The following FTO variants were observed in gnomAD, a reference collection of about 807,000 sequenced individuals.
FTO encodes the protein FTO alpha-ketoglutarate dependent dioxygenase.
In FTO, 47 loss-of-function variants were observed where a neutral mutation model predicts 63.9. The ratio of observed to expected loss-of-function variants is 0.74; its 90% CI spans 0.58 to 0.94. The LOEUF is 0.94. FTO is among the 40% of genes least tolerant of loss of function. FTO has a pLI of 0.00. For missense variants in FTO, 562 were observed against 618.1 expected (o/e 0.91, Z 0.96); for synonymous variants, 207 against 224.4 (o/e 0.92, Z 0.69).
chr16:54,089,224 G>A (rs1567564594), intron 8 of FTO, among the ~76,000 whole-genome samples: 1 of 152,186 alleles, frequency 6.6e-6, no homozygotes, highest in Non-Finnish European at 1.5e-5. Context: ...TCCAATCTGA[G>A]TGAGTTTAAT....
chr16:53,819,597 C>CT (rs535307412), intron 2 of FTO, among the ~76,000 whole-genome samples: 1,534 of 151,438 alleles, frequency 0.01, 21 homozygotes, highest in African/African-American at 0.034. Flanking sequence ...ATAGGTTGTA[C>CT]TTTTTTTTTC....
rs185192150 is a variant in FTO at position 54,103,663 on chromosome 16, G to A, written c.1365-8099G>A. Among the ~76,000 whole-genome samples, 33 of 152,308 alleles carry A rather than the reference G, an allele frequency of 2.2e-4. No individual in the cohort carries two copies. In the East Asian group the frequency reaches 6.0e-3, roughly 28 times the overall value. ...TGACTTGATAAAGCCACCTTTGTCC[G>A]AGTAGACCGTTATGATAGCTGTAAG... is the stretch of plus-strand genomic sequence containing the variant. On this transcript the variant is annotated intron_variant, in intron 8 of 8. Coordinates refer to ENST00000471389, the MANE Select transcript of FTO (RefSeq NM_001080432.3).
intron 8 of FTO, among the ~76,000 whole-genome samples, chr16:54,025,261 G>C (rs1049955258): frequency 2.0e-5 from 3 of 152,180 alleles, no homozygotes; most frequent in Admixed American, 2.0e-4. Context: ...GAGAAATGGA[G>C]GCTGGACAGC....
intron 8 of FTO, among the ~76,000 whole-genome samples, chr16:54,010,429 A>T (rs1216203040): frequency 6.6e-6 from 1 of 152,086 alleles, no homozygotes; most frequent in Non-Finnish European, 1.5e-5. Flanking sequence ...CCAAACAAAC[A>T]AACAAAAAAT....
chr16:54,088,150 A>G (rs1212822609), intron 8 of FTO, among the ~76,000 whole-genome samples: 1 of 152,192 alleles, frequency 6.6e-6, no homozygotes, highest in Non-Finnish European at 1.5e-5. Context: ...ATATTCTTCT[A>G]TGCATTTACA....
At position 54,086,928 on chromosome 16, in the gene FTO, C is replaced by T. The variant is rs143029954; in HGVS notation, c.1365-24834C>T. Among the ~76,000 whole-genome samples the T allele has an allele frequency of 2.0e-5, 3 of 152,286 alleles. No individual in the cohort carries two copies. The East Asian group carries it at 5.8e-4, about 29-fold the overall frequency. On this transcript the variant is annotated intron_variant, in intron 8 of 8. Coordinates refer to ENST00000471389, the MANE Select transcript of FTO (RefSeq NM_001080432.3). ...AAAGGAGTTCAGTGGGCTGCCGGCC[C>T]CCATAAGGAAAAAGCAAACTCAGCC...
chr16:53,850,361 G>A (rs911638497), intron 4 of FTO, among the ~76,000 whole-genome samples: 3 of 151,706 alleles, frequency 2.0e-5, no homozygotes, highest in Admixed American at 2.0e-4. Flanking sequence ...CAGGGATGAG[G>A]ATGTATCTCT....
chr16:53,917,320 C>G (rs2081894534), intron 7 of FTO, among the ~76,000 whole-genome samples: 1 of 152,210 alleles, frequency 6.6e-6, no homozygotes, highest in Admixed American at 6.5e-5. Flanking sequence ...AGAGTGAACT[C>G]TACTACCCAC....
intron 8 of FTO, among the ~76,000 whole-genome samples, chr16:54,104,543 C>T (rs893381246): frequency 3.9e-5 from 6 of 152,060 alleles, no homozygotes; most frequent in Admixed American, 2.0e-4. Context: ...GAACTCCTGA[C>T]CTCGTGATCT....
intron 8 of FTO, among the ~76,000 whole-genome samples, chr16:54,078,291 T>A (rs1449526258): frequency 6.7e-6 from 1 of 149,724 alleles, no homozygotes; most frequent in Non-Finnish European, 1.5e-5. Flanking sequence ...TACTAAAATG[T>A]GCTAATTTGA....
At chr16:53,743,182 A>G (rs1359167685) in intron 1 of FTO, among the ~76,000 whole-genome samples, 1 of 152,038 alleles carries the variant, frequency 6.6e-6, no homozygotes, top group Non-Finnish European at 1.5e-5. Context: ...AAAATATTAT[A>G]TTTCTACATT....
rs563201547 is a variant in FTO at position 53,936,188 on chromosome 16, A to T, written c.1364+2079A>T. Among the ~76,000 whole-genome samples the T allele has an allele frequency of 3.3e-5, 5 of 152,376 alleles. No individual in the cohort carries two copies. The South Asian group carries it at 8.3e-4, about 25-fold the overall frequency. On this transcript the variant is annotated intron_variant, in intron 8 of 8. Coordinates refer to ENST00000471389, the MANE Select transcript of FTO (RefSeq NM_001080432.3). ...AGTGTTGAAGTTGATGTAGTCTAGC[A>T]ACTGAAACAAAAATTCTCAAGTCCT...
At chr16:54,082,941 A>G (rs1210142995) in intron 8 of FTO, among the ~76,000 whole-genome samples, 1 of 152,210 alleles carries the variant, frequency 6.6e-6, no homozygotes, top group Admixed American at 6.5e-5. Flanking sequence ...TCACAGATAT[A>G]TATTTTCTTA....
At position 53,843,646 on chromosome 16, in the gene FTO, C is replaced by A. The variant is rs556109674; in HGVS notation, c.752-509C>A. ...ATTTCCATGTGTATTATAGAAACAG[C>A]TTTTCTAGTTACTAACCCCATTCAT... On this transcript the variant is annotated intron_variant, in intron 3 of 8. Coordinates refer to ENST00000471389, the MANE Select transcript of FTO (RefSeq NM_001080432.3). 3.7e-4 allele frequency among the ~76,000 whole-genome samples: 56 copies of A among 152,174 alleles called. No individual in the cohort carries two copies. In the Middle Eastern group the frequency reaches 0.01, roughly 28 times the overall value.
At chr16:53,831,149 A>G (rs2151788785) in intron 3 of FTO, among the ~76,000 whole-genome samples, 1 of 152,312 alleles carries the variant, frequency 6.6e-6, no homozygotes, top group Admixed American at 6.5e-5. Flanking sequence ...TCAGCTCATC[A>G]CTGAGACCAT....
intron 8 of FTO, among the ~76,000 whole-genome samples, chr16:53,952,436 G>C (rs376253102): frequency 6.6e-6 from 1 of 152,302 alleles, no homozygotes; most frequent in East Asian, 1.9e-4. Context: ...ACCCTGCTGA[G>C]CCTTTGGCTT....
At chr16:54,041,399 C>T (rs770633769) in intron 8 of FTO, among the ~76,000 whole-genome samples, 2 of 152,098 alleles carry the variant, frequency 1.3e-5, no homozygotes, top group Non-Finnish European at 2.9e-5. Context: ...CCCTTGACAC[C>T]TGGGGATTAC....
chr16:53,726,920 C>A (rs893269517), intron 1 of FTO, among the ~76,000 whole-genome samples: 4 of 152,194 alleles, frequency 2.6e-5, no homozygotes, highest in African/African-American at 9.6e-5. Flanking sequence ...CATTGGTTTC[C>A]ATCAAGGTTT....
At chr16:54,001,430 A>G (rs1278636311) in intron 8 of FTO, among the ~76,000 whole-genome samples, 1 of 152,054 alleles carries the variant, frequency 6.6e-6, no homozygotes. Flanking sequence ...TCTTTTCTGT[A>G]CAACATGAGG....
Sources: gnomAD v4.1 joint callset for allele counts (sites outside exome capture counted in the v4.1 genomes callset) on GRCh38, gnomAD v4.1.1 for gene constraint, MANE v1.5 for transcripts, NCBI Gene and HGNC (gene_info 2026-07-23, HGNC 2026-07-21) for gene names.